The following ALS2 variants were observed in gnomAD, a reference collection of about 807,000 sequenced individuals.
ALS2 encodes the protein alsin Rho guanine nucleotide exchange factor ALS2.
A neutral mutation model predicts 203.4 loss-of-function variants in ALS2; 117 were observed. The observed-to-expected ratio is 0.58, with a 90% CI of 0.50 to 0.67. ALS2 has a LOEUF of 0.67. ALS2 is among the 30% of genes least tolerant of loss of function. ALS2 has a pLI of 0.00. For synonymous variants in ALS2, 718 were observed against 725.9 expected (o/e 0.99, Z 0.17); for missense variants, 1,715 against 1,989.4 (o/e 0.86, Z 2.62).
Position 201,726,714 on chromosome 2 carries a change from T to C in ALS2, c.3132A>G (p.Leu1044=), listed in dbSNP as rs749946234. The change falls in exon 18 of 34, where the codon CTA becomes CTG. Residue 1044 remains leucine (L), a synonymous_variant. Transcript: ENST00000264276. ...AKYTFYKDPR[L]KDATYDGRWL... is the part of the protein sequence containing the mutation. ...AGCGTCCATCATAGGTGGCATCCTT[T>C]AGGCGAGGATCCTTGTAGAAAGTAT... 2.5e-6 allele frequency: 4 copies of C among 1,614,222 alleles called. No homozygotes were observed. The highest frequency in any genetic ancestry group is 3.4e-6 in the Non-Finnish European group (4 of 1,180,032).
At chr2:201,749,824 G>A in intron 7 of ALS2, 35 bp from the exon 8 acceptor site, 1 of 1,561,974 alleles carries the variant, frequency 6.4e-7, no homozygotes, top group Non-Finnish European at 8.8e-7. Flanking sequence ...GCTAAGCGTT[G>A]TGAATCTGAT....
Position 201,746,674 on chromosome 2 carries a change from G to A in ALS2, c.1890C>T (p.Asp630=), listed in dbSNP as rs1692682402. The change falls in exon 9 of 34, where the codon GAC becomes GAT. Residue 630 remains aspartate (D), a synonymous_variant. Coordinates refer to ENST00000264276, the MANE Select transcript of ALS2 (RefSeq NM_020919.4). ...CACTGTAATATAACCCAGGCTGGAA[G>A]TCTTCTGTATCCACTAAAAACAGGG... ...DYSLFLVDTE[D]FQPGLYYSGR... The A allele has an allele frequency of 1.2e-6, 2 of 1,614,008 alleles. No homozygotes were observed. The highest frequency in any genetic ancestry group is 1.7e-5 in the Admixed American group (1 of 60,000).
intron 1 of ALS2, among the ~76,000 whole-genome samples, chr2:201,770,626 A>C (rs1307072168): frequency 6.6e-6 from 1 of 152,228 alleles, no homozygotes; most frequent in African/African-American, 2.4e-5. Flanking sequence ...TTAAGATAGA[A>C]AGATTATCCT....
chr2:201,778,283 C>T (rs1694744058), intron 1 of ALS2, among the ~76,000 whole-genome samples: 1 of 152,158 alleles, frequency 6.6e-6, no homozygotes, highest in African/African-American at 2.4e-5. Context: ...CTGATCTTCT[C>T]TCTGGACATA....
chr2:201,709,888 G>A lies in ALS2; in HGVS notation c.4273C>T (p.Leu1425=), dbSNP rs553953058. The A allele has an allele frequency of 6.2e-7, 1 of 1,614,066 alleles. No individual in the cohort carries two copies. Among genetic ancestry groups the A allele is most frequent in the East Asian group, 2.2e-5 (1 of 44,872 alleles). The change falls in exon 27 of 34, where the codon CTG becomes TTG. Residue 1425 remains leucine (L), a synonymous_variant. Transcript: ENST00000264276. The part of the protein sequence containing the change: ...IKSYLKRIFQ[L]VRFLFPELPE... Reference sequence around the variant, plus strand: ...AGTGAAAAGCTCTCTTACCTCACCAGCTGGAAAATTCGCTTAAGATAGGAC... The same window carrying A: ...AGTGAAAAGCTCTCTTACCTCACCAACTGGAAAATTCGCTTAAGATAGGAC...
intron 8 of ALS2, among the ~76,000 whole-genome samples, chr2:201,748,255 G>A (rs767327072): frequency 6.6e-6 from 1 of 152,014 alleles, no homozygotes; most frequent in Non-Finnish European, 1.5e-5. Flanking sequence ...TCTTCTTCTG[G>A]CATGACATTA....
intron 25 of ALS2, among the ~76,000 whole-genome samples, chr2:201,713,137 T>TCTTTTC (rs530892512): frequency 9.2e-4 from 121 of 131,532 alleles, no homozygotes; most frequent in South Asian, 1.8e-3. Flanking sequence ...TCTTTTCTTT[T>TCTTTTC]TTTTTTTTTT....
At chr2:201,751,763 G>A (rs897835547) in intron 7 of ALS2, among the ~76,000 whole-genome samples, 3 of 151,750 alleles carry the variant, frequency 2.0e-5, no homozygotes, top group Non-Finnish European at 2.9e-5. Context: ...ACACACACAC[G>A]CACACATACA....
At chr2:201,753,453 C>A (rs1693191606) in intron 6 of ALS2, among the ~76,000 whole-genome samples, 1 of 151,894 alleles carries the variant, frequency 6.6e-6, no homozygotes, top group Non-Finnish European at 1.5e-5. Flanking sequence ...CTAATTAATC[C>A]CCATAATTTA....
At chr2:201,727,191 A>G (rs1320982594) in intron 17 of ALS2, 21 bp downstream of exon 17, 2 of 1,596,870 alleles carry the variant, frequency 1.3e-6, no homozygotes, top group South Asian at 2.2e-5. Context: ...AGATTGAAGG[A>G]AAATACCATA....
rs771086819 is a variant in ALS2, at chr2:201,741,705, G to A, written c.2320C>T (p.His774Tyr). 21 of 1,613,984 alleles carry A rather than the reference G, an allele frequency of 1.3e-5. No homozygotes were observed. Among genetic ancestry groups the A allele is most frequent in the Non-Finnish European group, 1.8e-5 (21 of 1,180,036 alleles). The change falls in exon 11 of 34, where the codon CAT (histidine) becomes TAT (tyrosine). Residue 774 changes from histidine (H) to tyrosine (Y), a missense_variant. Transcript: ENST00000264276. ...KEARSLVILK[H>Y]SSLFLDSYTE... ...TAACTATCCAAGAAGAGACTTGAAT[G>A]CTTCAGGATGACCAAACTCCTGGCT...
At chr2:201,733,490 T>C (rs768858583) in intron 12 of ALS2, 52 bp from the exon 13 acceptor site, 4 of 1,520,522 alleles carry the variant, frequency 2.6e-6, no homozygotes, top group Admixed American at 1.7e-5. Flanking sequence ...ATTGGTAATA[T>C]GTACATTAAA....
intron 5 of ALS2, 35 bp from the exon 6 acceptor site, chr2:201,754,706 G>A: frequency 6.2e-7 from 1 of 1,610,722 alleles, no homozygotes; most frequent in Non-Finnish European, 8.5e-7. Flanking sequence ...GAAGGAGTGG[G>A]AGTCCAGAGG....
intron 7 of ALS2, among the ~76,000 whole-genome samples, chr2:201,750,940 G>A (rs181025031): frequency 2.0e-4 from 29 of 145,584 alleles, no homozygotes; most frequent in Non-Finnish European, 3.0e-4. Context: ...TGCAACCTCC[G>A]CCTCCCAGAT....
Position 201,724,276 on chromosome 2 carries a change from TAGA to T in ALS2, c.3512+16_3512+18del, listed in dbSNP as rs1559047550. ...TAATCATTGGCTTAAACTGTGGGAA[TAGA>T]AGGAGAATACTGTACCTAGTGATAT... On this transcript the variant is annotated intron_variant, in intron 21 of 33. Coordinates refer to ENST00000264276, the MANE Select transcript of ALS2 (RefSeq NM_020919.4). 3 of 1,608,896 alleles carry T rather than the reference TAGA, an allele frequency of 1.9e-6. No homozygotes were observed. The Admixed American group carries it at 5.0e-5, about 27-fold the overall frequency.
chr2:201,718,084 T>C lies in ALS2; in HGVS notation c.3829A>G (p.Lys1277Glu), dbSNP rs1690523978. 6.2e-7 allele frequency: 1 copy of C among 1,613,536 alleles called. No homozygotes were observed. Among genetic ancestry groups the C allele is most frequent in the South Asian group, 1.1e-5 (1 of 91,070 alleles). ...TTAACACTAGTTACTCACAAAACTT[T>C]AGGTCTGTCTTTATCACTCTCATAT... ...SLYESDKDRP[K>E]VFRKLGNLAV... Residue 1277 changes from lysine (K) to glutamate (E), a missense_variant, in exon 24 of 34, where the codon AAA (lysine) becomes GAA (glutamate). Physicochemically the swap from Lys to Glu is moderately conservative, Grantham distance 56 (BLOSUM62 1). Around this residue, in one of 3 missense-constraint regions of ALS2, gnomAD observed 1,227 missense variants for 1,413.5 expected, o/e 0.87. Transcript: ENST00000264276.
Position 201,715,817 on chromosome 2 carries a change from C to T in ALS2, c.3859G>A (p.Val1287Met), listed in dbSNP as rs1690351913. ...KVFRKLGNLA[V>M]PADEKWKAVF... ...GCTTTCCACTTCTCATCAGCTGGCA[C>T]TGCCAGGTTTCCTAGCTTCCTGCTA... The change falls in exon 25 of 34, where the codon GTG becomes ATG. Residue 1287 changes from valine (V) to methionine (M), a missense_variant. By Grantham distance (21) the Val-to-Met change is conservative (BLOSUM62 1). Coordinates refer to ENST00000264276, the MANE Select transcript of ALS2 (RefSeq NM_020919.4). 6.2e-6 allele frequency: 10 copies of T among 1,614,026 alleles called. No homozygotes were observed. The highest frequency in any genetic ancestry group is 1.3e-5 in the African/African-American group (1 of 74,860).
In ALS2 at chr2:201,704,266, A is replaced by G. The variant is rs369822894; in HGVS notation, c.4839-48T>C. 4 of 1,559,892 alleles carry G rather than the reference A, an allele frequency of 2.6e-6. No homozygotes were observed. The African/African-American group carries it at 5.4e-5, about 21-fold the overall frequency. ...CTGAGTTATTTTCACTTACATGTCCATTCTCCTTTTGAATCTAGTTGATGG... is the reference window on the plus strand; with the variant it reads ...CTGAGTTATTTTCACTTACATGTCCGTTCTCCTTTTGAATCTAGTTGATGG... On this transcript the variant is annotated intron_variant, in intron 32 of 33. Coordinates refer to ENST00000264276, the MANE Select transcript of ALS2 (RefSeq NM_020919.4).
intron 1 of ALS2, chr2:201,778,595 A>T (rs1553517983): frequency 6.6e-6 from 1 of 152,170 alleles, no homozygotes; most frequent in Non-Finnish European, 1.5e-5. Context: ...TTTATTGATG[A>T]CTACCTAACA....
Sources: gnomAD v4.1 joint callset for allele counts (sites outside exome capture counted in the v4.1 genomes callset) on GRCh38, gnomAD v4.1.1 for gene constraint, gnomAD v4.1.1 regional missense constraint, MANE v1.5 for transcripts, NCBI Gene and HGNC (gene_info 2026-07-23, HGNC 2026-07-21) for gene names.